The following ATF7IP2 variants were observed in gnomAD, a reference collection of about 807,000 sequenced individuals.
ATF7IP2 encodes activating transcription factor 7-interacting protein 2.
Under a neutral mutation model 64.2 loss-of-function variants are expected in ATF7IP2, and 42 were observed. The ratio of observed to expected loss-of-function variants is 0.65; its 90% CI spans 0.51 to 0.85. The LOEUF is 0.85. Among genes scored for constraint, ATF7IP2 ranks in the 40% least tolerant of loss-of-function variants. The pLI is 0.00. For missense variants in ATF7IP2, 933 were observed against 784.2 expected (o/e 1.19, Z -2.27); for synonymous variants, 308 against 272.8 (o/e 1.13, Z -1.27).
At chr16:10,479,418 A>G (rs1011141494) in intron 12 of ATF7IP2, among the ~76,000 whole-genome samples, 22 of 152,110 alleles carry the variant, frequency 1.4e-4, no homozygotes, top group Admixed American at 1.2e-3. Context: ...ACCAAACACC[A>G]CATATTCTCA....
chr16:10,457,946 A>C (rs950252768), intron 9 of ATF7IP2, among the ~76,000 whole-genome samples: 1 of 152,234 alleles, frequency 6.6e-6, no homozygotes, highest in Non-Finnish European at 1.5e-5. Flanking sequence ...TCCTGGGCTC[A>C]GGCAATCTGT....
intron 13 of ATF7IP2, 97 bp from the exon 14 acceptor site, chr16:10,481,739 T>A: frequency 9.2e-7 from 1 of 1,082,620 alleles, no homozygotes; most frequent in Non-Finnish European, 1.3e-6. Context: ...TATCCTTTTA[T>A]TATTTTGATA....
At chr16:10,447,823 C>T (rs2141967175) in intron 8 of ATF7IP2, 1 of 152,308 alleles carries the variant, frequency 6.6e-6, no homozygotes, top group Non-Finnish European at 1.5e-5. Context: ...AAAAATAGAA[C>T]AAAGGACAAG....
intron 1 of ATF7IP2, among the ~76,000 whole-genome samples, chr16:10,396,713 A>C (rs1656045051): frequency 2.6e-5 from 4 of 151,560 alleles, no homozygotes; most frequent in Admixed American, 6.6e-5. Context: ...GGAGTGCTTG[A>C]TCTTGGCTCA....
chr16:10,432,628 G>C (rs144425783), intron 5 of ATF7IP2, among the ~76,000 whole-genome samples: 1 of 152,284 alleles, frequency 6.6e-6, no homozygotes, highest in Non-Finnish European at 1.5e-5. Flanking sequence ...CAGCACTTTG[G>C]AAGGTTGAGG....
chr16:10,400,817 G>C (rs2047516201), intron 1 of ATF7IP2, among the ~76,000 whole-genome samples: 1 of 152,116 alleles, frequency 6.6e-6, no homozygotes, highest in African/African-American at 2.4e-5. Context: ...GAGTAGCTGA[G>C]ATTACAGGTG....
At chr16:10,473,792 G>C (rs1462372360) in intron 11 of ATF7IP2, 131 bp from the exon 12 acceptor site, 8 of 651,360 alleles carry the variant, frequency 1.2e-5, no homozygotes, top group African/African-American at 1.8e-5. Flanking sequence ...GAGACTTAGA[G>C]AATGTTCCAT....
At chr16:10,474,791 G>T (rs922773362) in intron 12 of ATF7IP2, among the ~76,000 whole-genome samples, 4 of 152,186 alleles carry the variant, frequency 2.6e-5, no homozygotes, top group Non-Finnish European at 5.9e-5. Context: ...CAATGCAGGT[G>T]AAAGAACAAA....
At chr16:10,461,338 TG>T (rs2049368868) in intron 9 of ATF7IP2, among the ~76,000 whole-genome samples, 1 of 152,122 alleles carries the variant, frequency 6.6e-6, no homozygotes, top group South Asian at 2.1e-4. Flanking sequence ...TCCCAGCTCT[TG>T]ATATATCCTA....
At position 10,464,213 on chromosome 16, in the gene ATF7IP2, A is replaced by G. The variant is rs188374020; in HGVS notation, c.1352+6684A>G. Among the ~76,000 whole-genome samples, 9 of 152,298 alleles carry G rather than the reference A, an allele frequency of 5.9e-5. No homozygotes were observed. In the East Asian group the frequency reaches 7.7e-4, roughly 13 times the overall value. ...TGTGGGGCTCCATCATGGCTGTTCT[A>G]CCTGTCCTTCATGTACTTTTGTATA... is the stretch of plus-strand genomic sequence containing the variant. On this transcript the variant is annotated intron_variant, in intron 9 of 13. Coordinates refer to ENST00000562102, the MANE Select transcript of ATF7IP2 (RefSeq NM_001393719.1).
intron 9 of ATF7IP2, among the ~76,000 whole-genome samples, chr16:10,469,233 A>G (rs1244709101): frequency 1.3e-5 from 2 of 152,136 alleles, no homozygotes; most frequent in Non-Finnish European, 2.9e-5. Context: ...CCAATATATC[A>G]GTGAAAGAGG....
At chr16:10,398,782 C>G (rs2047470646) in intron 1 of ATF7IP2, among the ~76,000 whole-genome samples, 1 of 151,974 alleles carries the variant, frequency 6.6e-6, no homozygotes, top group Admixed American at 6.6e-5. Flanking sequence ...TGAATAGATA[C>G]TGGTCAAAGG....
intron 1 of ATF7IP2, among the ~76,000 whole-genome samples, chr16:10,389,737 A>G (rs768999690): frequency 9.2e-5 from 14 of 152,234 alleles, no homozygotes; most frequent in Admixed American, 5.9e-4. Flanking sequence ...TTTATTTCAT[A>G]ATGAGCATTT....
chr16:10,438,419 G>GT (rs374050720), intron 7 of ATF7IP2, among the ~76,000 whole-genome samples, 184 bp downstream of exon 7: 4,922 of 135,554 alleles, frequency 0.036, 177 homozygotes, highest in African/African-American at 0.1. Context: ...TAATTTTTGG[G>GT]TTTTTTTTTT....
intron 12 of ATF7IP2, among the ~76,000 whole-genome samples, chr16:10,477,493 A>G (rs1238364417): frequency 6.6e-6 from 1 of 152,174 alleles, no homozygotes; most frequent in Non-Finnish European, 1.5e-5. Context: ...AATAAGAGCT[A>G]TCTATGACAA....
rs2047196242 is a variant in ATF7IP2 at position 10,386,082 on chromosome 16, T to C, written c.-282T>C. On this transcript the variant is annotated 5_prime_UTR_variant, in exon 1 of 14. Transcript: ENST00000562102. ...CATTGTTAACGGCTGCGGTTCGAAG[T>C]GGCTGTGGGTATTGCTGCGGCTGGT... The C allele has an allele frequency of 6.6e-6, 1 of 152,520 alleles. No homozygotes were observed. The highest frequency in any genetic ancestry group is 1.5e-5 in the Non-Finnish European group (1 of 68,324). 9.4% of individuals were successfully genotyped at this position (152,520 alleles called of 1,614,324 possible).
At chr16:10,466,830 A>G (rs929269699) in intron 9 of ATF7IP2, among the ~76,000 whole-genome samples, 44 of 151,840 alleles carry the variant, frequency 2.9e-4, no homozygotes, top group Non-Finnish European at 5.7e-4. Flanking sequence ...TGAATGCTCT[A>G]TCTTTTTTAA....
At chr16:10,444,076 C>G (rs1014137803) in intron 8 of ATF7IP2, among the ~76,000 whole-genome samples, 1 of 152,114 alleles carries the variant, frequency 6.6e-6, no homozygotes, top group Non-Finnish European at 1.5e-5. Flanking sequence ...AGGTACTTAC[C>G]TGAAGAGGCT....
intron 9 of ATF7IP2, among the ~76,000 whole-genome samples, chr16:10,470,014 T>A (rs2049732840): frequency 6.6e-6 from 1 of 152,060 alleles, no homozygotes; most frequent in Admixed American, 6.6e-5. Flanking sequence ...AGACCTACAT[T>A]ACAAGAAATT....
Sources: gnomAD v4.1 joint callset for allele counts (sites outside exome capture counted in the v4.1 genomes callset) on GRCh38, gnomAD v4.1.1 for gene constraint, MANE v1.5 for transcripts, NCBI Gene and HGNC (gene_info 2026-07-23, HGNC 2026-07-21) for gene names.